REV3L: variants seen among roughly 807,000 people sequenced by gnomAD.
The protein encoded by REV3L is REV3 like, DNA directed polymerase zeta catalytic subunit.
REV3L carries 69 observed loss-of-function variants against 299.4 expected under a neutral mutation model. The observed-to-expected ratio is 0.23, with a 90% CI of 0.19 to 0.28. The LOEUF (loss-of-function observed/expected upper bound fraction) is 0.28. Ranked by LOEUF, REV3L falls within the 10% of genes least tolerant of loss-of-function variation. The pLI is 1.00. For synonymous variants in REV3L, 1,238 were observed against 1,271.4 expected (o/e 0.97, Z 0.56); for missense variants, 3,128 against 3,693.8 (o/e 0.85, Z 3.97).
chr6:111,480,445 T>C (rs1793479699), intron 1 of REV3L, among the ~76,000 whole-genome samples: 1 of 152,196 alleles, frequency 6.6e-6, no homozygotes, highest in South Asian at 2.1e-4. Context: ...TTTATTTTAT[T>C]GGACTAGTTT....
rs140960525 is a variant in REV3L at position 111,373,193 on chromosome 6, C to T, written c.5162G>A (p.Gly1721Asp). 8.0e-5 allele frequency: 129 copies of T among 1,613,962 alleles called. 1 individual carries two copies. Among genetic ancestry groups the T allele is most frequent in the Non-Finnish European group, 1.1e-4 (126 of 1,179,986 alleles). ...TTDSASWIRS[G>D]TLSPEIFEKS... ...CTCAAAAATTTCAGGACTTAAAGTA[C>T]CAGATCTAATCCATGAGGCTGAGTC... The change falls in exon 13 of 32, where the codon GGT (glycine) becomes GAT (aspartate). Residue 1721 changes from glycine (G) to aspartate (D), a missense_variant. By Grantham distance (94) the Gly-to-Asp change is moderately conservative. Coordinates refer to ENST00000368802, the MANE Select transcript of REV3L (RefSeq NM_001372078.1).
intron 31 of REV3L, among the ~76,000 whole-genome samples, chr6:111,304,432 A>G: frequency 6.7e-6 from 1 of 149,436 alleles, no homozygotes; most frequent in African/African-American, 2.5e-5. Context: ...ATGATGTAAA[A>G]TCTCCTGTTT....
At chr6:111,333,718 C>G (rs1213622338) in intron 22 of REV3L, among the ~76,000 whole-genome samples, 1 of 152,104 alleles carries the variant, frequency 6.6e-6, no homozygotes, top group Admixed American at 6.5e-5. Flanking sequence ...TCAGGTGATC[C>G]GCCCACCTCA....
intron 4 of REV3L, among the ~76,000 whole-genome samples, chr6:111,395,710 G>T (rs536436806): frequency 1.2e-4 from 18 of 152,068 alleles, no homozygotes; most frequent in Non-Finnish European, 2.5e-4. Context: ...GCTATGGCTA[G>T]AATTTTCAGT....
At chr6:111,351,535 G>A in intron 19 of REV3L, 141 bp downstream of exon 19, 1 of 515,264 alleles carries the variant, frequency 1.9e-6, no homozygotes, top group Non-Finnish European at 3.5e-6. Context: ...TTTCTACAAT[G>A]GAGTTATGCT....
chr6:111,454,373 A>AT (rs891366379), intron 1 of REV3L, among the ~76,000 whole-genome samples: 53 of 148,516 alleles, frequency 3.6e-4, no homozygotes, highest in African/African-American at 6.1e-4. Flanking sequence ...ACCTTCATGA[A>AT]TTTTTTTTTT....
chr6:111,411,348 C>T (rs17539316), intron 3 of REV3L, 132 bp downstream of exon 3: 9 of 635,826 alleles, frequency 1.4e-5, no homozygotes, highest in South Asian at 1.2e-4. Flanking sequence ...TCTCTATACA[C>T]GTACATGTGT....
intron 1 of REV3L, among the ~76,000 whole-genome samples, chr6:111,454,221 G>C (rs1188134080): frequency 6.6e-6 from 1 of 151,696 alleles, no homozygotes; most frequent in African/African-American, 2.4e-5. Context: ...GGGATTACAG[G>C]CTTGAGCTAC....
At chr6:111,309,427 A>G (rs1273286184) in intron 30 of REV3L, 2 of 150,634 alleles carry the variant, frequency 1.3e-5, no homozygotes, top group Non-Finnish European at 2.9e-5. Context: ...GCCTGCCAGC[A>G]TGCCAGTGCC....
intron 4 of REV3L, among the ~76,000 whole-genome samples, chr6:111,399,593 T>G (rs1011646828): frequency 1.3e-5 from 2 of 152,170 alleles, no homozygotes; most frequent in African/African-American, 4.8e-5. Context: ...TTCATGACCT[T>G]TGCAGTCATG....
Position 111,374,282 on chromosome 6 carries a change from A to G in REV3L, c.4073T>C (p.Ile1358Thr), listed in dbSNP as rs755959871. ...AGATAAATGATTGGAAAGGTCAAAT[A>G]TATTTTTTTGAATTAACGTTGATTC... The part of the protein sequence containing the change: ...LKESTLIQKN[I>T]FDLSNHLSQV... Residue 1358 changes from isoleucine to threonine, a missense_variant, in exon 13 of 32, where the codon ATA (isoleucine) becomes ACA (threonine). Coordinates refer to ENST00000368802, the MANE Select transcript of REV3L (RefSeq NM_001372078.1). The G allele has an allele frequency of 3.1e-6, 5 of 1,613,808 alleles. No individual in the cohort carries two copies. The highest frequency in any genetic ancestry group is 2.2e-5 in the South Asian group (2 of 91,058).
chr6:111,412,040 C>G, intron 2 of REV3L: 2 of 985,276 alleles, frequency 2.0e-6, no homozygotes, highest in Non-Finnish European at 2.4e-6. Flanking sequence ...CTTTACTTAA[C>G]AACACTTACA....
At chr6:111,362,382 A>C (rs1171649970) in intron 16 of REV3L, among the ~76,000 whole-genome samples, 1 of 152,222 alleles carries the variant, frequency 6.6e-6, no homozygotes, top group African/African-American at 2.4e-5. Context: ...TTTACAACAG[A>C]ATTGACTTGA....
chr6:111,313,248 C>A, intron 28 of REV3L, 104 bp downstream of exon 28: 2 of 969,244 alleles, frequency 2.1e-6, no homozygotes, highest in South Asian at 1.8e-5. Flanking sequence ...ATTATATAGG[C>A]TATAGTTCCT....
At chr6:111,474,703 G>A (rs1172118852) in intron 1 of REV3L, among the ~76,000 whole-genome samples, 1 of 152,022 alleles carries the variant, frequency 6.6e-6, no homozygotes, top group Admixed American at 6.6e-5. Context: ...AATAACTAAA[G>A]TTAAAAACAG....
At chr6:111,431,024 A>T (rs1333822295) in intron 1 of REV3L, 79 of 1,557,540 alleles carry the variant, frequency 5.1e-5, no homozygotes, top group Non-Finnish European at 6.7e-5. Flanking sequence ...CCAGTGTTAT[A>T]TTTGAATTAT....
rs1779923233 is a variant in REV3L, at chr6:111,372,735, T to A, written c.5620A>T (p.Thr1874Ser). Residue 1874 changes from threonine to serine, a missense_variant, in exon 13 of 32, where the codon ACT (threonine) becomes TCT (serine). Physicochemically the swap from Thr to Ser is moderately conservative, Grantham distance 58. Coordinates refer to ENST00000368802, the MANE Select transcript of REV3L (RefSeq NM_001372078.1). ...QSKNGSFTPR[T>S]ANILKPLMSP... ...ATAAGTGGTTTCAGAATGTTAGCAGTTCGAGGGGTGAAGCTGCCATTTTTA... is the reference window on the plus strand; with the variant it reads ...ATAAGTGGTTTCAGAATGTTAGCAGATCGAGGGGTGAAGCTGCCATTTTTA... 1.2e-6 allele frequency: 2 copies of A among 1,611,810 alleles called. No individual in the cohort carries two copies. Among genetic ancestry groups the A allele is most frequent in the African/African-American group, 2.7e-5 (2 of 74,968 alleles).
In REV3L at chr6:111,438,862, C is replaced by T. The variant is rs573725795; in HGVS notation, c.140-22390G>A. On this transcript the variant is annotated intron_variant, in intron 1 of 31. Coordinates refer to ENST00000368802, the MANE Select transcript of REV3L (RefSeq NM_001372078.1). ...AAAGCTTTGGGCAAAAACACATTAA[C>T]TAAACTTGTCAAAAACAGTGCAAAC... Among the ~76,000 whole-genome samples the T allele has an allele frequency of 2.0e-5, 3 of 152,192 alleles. No homozygotes were observed. In the East Asian group the frequency reaches 5.8e-4, roughly 29 times the overall value.
At position 111,364,326 on chromosome 6, in the gene REV3L, A is replaced by G. The variant is rs191448028; in HGVS notation, c.6754-348T>C. ...TAAGAAAGACAAGCAAGCAATCAATATATTTCCAACTACTTTGGCTAAAGT... is the reference window on the plus strand; with the variant it reads ...TAAGAAAGACAAGCAAGCAATCAATGTATTTCCAACTACTTTGGCTAAAGT... On this transcript the variant is annotated intron_variant, in intron 15 of 31. Coordinates refer to ENST00000368802, the MANE Select transcript of REV3L (RefSeq NM_001372078.1). Among the ~76,000 whole-genome samples the G allele has an allele frequency of 2.2e-3, 332 of 152,256 alleles. 3 individuals carry two copies. Among genetic ancestry groups the G allele is most frequent in the African/African-American group, 7.2e-3 (299 of 41,578 alleles).
Sources: allele counts gnomAD v4.1 joint callset (sites outside exome capture counted in the v4.1 genomes callset), GRCh38; gene constraint gnomAD v4.1.1; transcripts MANE v1.5; gene names NCBI Gene and HGNC (gene_info 2026-07-23, HGNC 2026-07-21).